VWF: variants seen among roughly 807,000 people sequenced by gnomAD.
VWF encodes von Willebrand factor, also known as Factor VIII related antigen.
VWF carries 176 observed loss-of-function variants against 308.6 expected under a neutral mutation model. That is an observed-to-expected ratio of 0.57 (90% CI 0.50 to 0.65). The LOEUF (loss-of-function observed/expected upper bound fraction) is 0.65. Ranked by LOEUF, VWF falls within the 30% of genes least tolerant of loss-of-function variation. The pLI is 0.00. For synonymous variants in VWF, 1,385 were observed against 1,443.4 expected (o/e 0.96, Z 0.92); for missense variants, 3,146 against 3,648.2 (o/e 0.86, Z 3.55).
intron 7 of VWF, among the ~76,000 whole-genome samples, chr12:6,073,984 C>T (rs1357552542): frequency 6.6e-6 from 1 of 152,142 alleles, no homozygotes; most frequent in African/African-American, 2.4e-5. Context: ...AGGACCCCCA[C>T]CCTTCCCCTT....
intron 6 of VWF, among the ~76,000 whole-genome samples, chr12:6,087,993 C>T (rs1330752666): frequency 1.3e-5 from 2 of 152,128 alleles, no homozygotes; most frequent in African/African-American, 4.8e-5. Context: ...GAGACTGTGC[C>T]TCCCTGAGGA....
rs1403649370 is a variant in VWF at position 6,092,622 on chromosome 12, T to TGAGAGAGAGAGAGAGAGA, written c.657+2837_657+2838insTCTCTCTCTCTCTCTCTC. On this transcript the variant is annotated intron_variant, in intron 6 of 51. Transcript: ENST00000261405. ...GCTAGTTAGTGAGTGAGTGAGAGTG[T>TGAGAGAGAGAGAGAGAGA]GTGTGTGTGTGTGTGTGTGTGTGTG... Among the ~76,000 whole-genome samples, 82 of 91,522 alleles carry TGAGAGAGAGAGAGAGAGA rather than the reference T, an allele frequency of 9.0e-4. 1 individual carries two copies. The highest frequency in any genetic ancestry group is 3.8e-3 in the African/African-American group (72 of 18,908). The allele number at this position is 91,522 out of a possible 152,430, so 60.0% of individuals were successfully genotyped here.
intron 7 of VWF, among the ~76,000 whole-genome samples, chr12:6,074,487 T>TAAAAA (rs776702305): frequency 4.8e-5 from 3 of 62,004 alleles, no homozygotes; most frequent in East Asian, 5.4e-4. Context: ...TTCACAGACC[T>TAAAAA]AAAAAAAAAA....
chr12:6,065,045 C>A (rs541300690), intron 11 of VWF, 92 bp downstream of exon 11: 1 of 1,575,978 alleles, frequency 6.3e-7, no homozygotes, highest in East Asian at 2.3e-5. Flanking sequence ...GAAAGCAATG[C>A]CCCACGCCTT....
At chr12:6,033,303 C>T (rs1230694114) in intron 20 of VWF, among the ~76,000 whole-genome samples, 1 of 152,184 alleles carries the variant, frequency 6.6e-6, no homozygotes, top group African/African-American at 2.4e-5. Context: ...CAGGACAATG[C>T]ATCAGAAGAC....
chr12:5,998,770 A>C (rs1013254655), intron 34 of VWF, among the ~76,000 whole-genome samples: 1 of 152,048 alleles, frequency 6.6e-6, no homozygotes, highest in African/African-American at 2.4e-5. Context: ...TCTTGTCACC[A>C]AGGCCAGAGC....
chr12:6,043,667 G>A (rs1291547317), intron 18 of VWF, among the ~76,000 whole-genome samples: 1 of 152,234 alleles, frequency 6.6e-6, no homozygotes, highest in African/African-American at 2.4e-5. Context: ...CCACATAGGA[G>A]CCAGGAGTCG....
chr12:6,010,122 T>C (rs890465425), intron 34 of VWF, among the ~76,000 whole-genome samples: 3 of 150,196 alleles, frequency 2.0e-5, no homozygotes, highest in African/African-American at 7.4e-5. Context: ...GTAGATCTCA[T>C]GTGTTTCTTA....
At chr12:6,073,842 G>T (rs143016774) in intron 7 of VWF, 101 bp from the exon 8 acceptor site, 11 of 1,554,662 alleles carry the variant, frequency 7.1e-6, no homozygotes, top group Non-Finnish European at 8.7e-6. Flanking sequence ...CACTCTGACT[G>T]CTCCCCTCTG....
At position 6,056,233 on chromosome 12, in the gene VWF, C is replaced by CATGCAGCA; in HGVS notation, c.1945+623_1945+624insTGCTGCAT. On this transcript the variant is annotated intron_variant, in intron 15 of 51. Coordinates refer to ENST00000261405, the MANE Select transcript of VWF (RefSeq NM_000552.5). ...TTCCACATCATCACTGTTGCCCGACCACACTGGGCATGCAGCAAATGTCCC... is the reference window on the plus strand; with the variant it reads ...TTCCACATCATCACTGTTGCCCGACCATGCAGCAACACTGGGCATGCAGCAAATGTCCC... 1.3e-5 allele frequency among the ~76,000 whole-genome samples: 2 copies of CATGCAGCA among 149,192 alleles called. 1 individual carries two copies.
intron 34 of VWF, among the ~76,000 whole-genome samples, chr12:6,009,333 T>C (rs1236209449): frequency 1.3e-5 from 2 of 150,886 alleles, no homozygotes; most frequent in Non-Finnish European, 2.9e-5. Flanking sequence ...CTCAATTATA[T>C]GAAAAAATAT....
intron 45 of VWF, 155 bp from the exon 46 acceptor site, chr12:5,968,322 G>A: frequency 2.4e-6 from 2 of 825,756 alleles, no homozygotes; most frequent in Non-Finnish European, 3.8e-6. Flanking sequence ...AGCGCTGGGG[G>A]TCCTACTGCT....
chr12:5,965,740 G>T (rs1313038958), intron 47 of VWF, among the ~76,000 whole-genome samples: 1 of 152,182 alleles, frequency 6.6e-6, no homozygotes, highest in Non-Finnish European at 1.5e-5. Context: ...AACCCAGGAG[G>T]TGTCCCAGAG....
chr12:6,118,929 G>A (rs1945400070), intron 3 of VWF, among the ~76,000 whole-genome samples: 1 of 152,144 alleles, frequency 6.6e-6, no homozygotes, highest in African/African-American at 2.4e-5. Flanking sequence ...AAGCAAGTTG[G>A]GACCCTCACG....
chr12:6,113,421 C>T (rs1463717033), intron 3 of VWF, among the ~76,000 whole-genome samples: 5 of 151,852 alleles, frequency 3.3e-5, no homozygotes, highest in Admixed American at 6.6e-5. Flanking sequence ...CCTCAGCCTC[C>T]CGAGTAGCTG....
chr12:6,003,863 T>C (rs1023913345), intron 34 of VWF, among the ~76,000 whole-genome samples: 3 of 141,492 alleles, frequency 2.1e-5, no homozygotes, highest in African/African-American at 7.9e-5. Flanking sequence ...TTGCCCAGGC[T>C]GGAGTGCAGT....
chr12:5,991,035 A>C (rs1388757753), intron 38 of VWF, among the ~76,000 whole-genome samples: 2 of 152,014 alleles, frequency 1.3e-5, no homozygotes, highest in African/African-American at 4.8e-5. Flanking sequence ...GATCAACTCC[A>C]TTACTTATAA....
In VWF at chr12:6,075,629, AG is replaced by A. The variant is rs1565854054; in HGVS notation, c.658-79del. 1.4e-5 allele frequency: 21 copies of A among 1,497,146 alleles called. No individual in the cohort carries two copies. The highest frequency in any genetic ancestry group is 1.9e-5 in the Non-Finnish European group (21 of 1,097,012). The allele number at this position is 1,497,146 out of a possible 1,614,324, so 92.7% of individuals were successfully genotyped here. The stretch of plus-strand genomic sequence containing the variant: ...TGTGGCACTGAGACTTAGCCCTGCT[AG>A]GGAAACCAAGGCAGCTCCCTCAGCA... On this transcript the variant is annotated intron_variant, in intron 6 of 51. Coordinates refer to ENST00000261405, the MANE Select transcript of VWF (RefSeq NM_000552.5). This position sits in a 1 kb window ranked among gnomAD's most constrained non-coding sequence, Gnocchi z 4.7.
In VWF at chr12:6,072,366, A is replaced by T. The variant is rs1460751965; in HGVS notation, c.1074T>A (p.Pro358=). ...AGTCTCGAGAGAGGGAGGTGCCGGG[A>T]GGGTAGCGCTTTCCGGAATGCACGC... ...CPCVHSGKRY[P]PGTSLSRDCN... The change falls in exon 9 of 52, where the codon CCT becomes CCA. Residue 358 remains proline, a synonymous_variant. Transcript: ENST00000261405. 1 of 1,613,844 alleles carries T rather than the reference A, an allele frequency of 6.2e-7. No individual in the cohort carries two copies. The highest frequency in any genetic ancestry group is 8.5e-7 in the Non-Finnish European group (1 of 1,180,010).
Sources: gnomAD v4.1 joint callset for allele counts (sites outside exome capture counted in the v4.1 genomes callset) on GRCh38, gnomAD v4.1.1 for gene constraint, Gnocchi (gnomAD v3.1) non-coding constraint, MANE v1.5 for transcripts, NCBI Gene and HGNC (gene_info 2026-07-23, HGNC 2026-07-21) for gene names.